ZSWIM7: variants seen among roughly 807,000 people sequenced by gnomAD.
ZSWIM7 encodes the protein zinc finger SWIM-type containing 7.
Under a neutral mutation model 21.1 loss-of-function variants are expected in ZSWIM7, and 22 were observed. The ratio of observed to expected loss-of-function variants is 1.04; its 90% confidence interval spans 0.74 to 1.49. The LOEUF (loss-of-function observed/expected upper bound fraction) is 1.49, where lower values mean the gene tolerates loss of function less well. Ranked by LOEUF, ZSWIM7 falls within the 40% of genes most tolerant of loss-of-function variation. The probability of loss-of-function intolerance (pLI) is 0.00; values close to 1 mark genes in which losing one functional copy is unlikely to be tolerated. For synonymous variants in ZSWIM7, 67 were observed against 66.5 expected, an observed-to-expected ratio of 1.01 and a Z score of -0.04; for missense variants, 193 against 168.0, an observed-to-expected ratio of 1.15 and a Z score of -0.82.
chr17:15,983,540 T>C (rs1970379685), intron 3 of ZSWIM7, among the ~76,000 whole-genome samples: 1 of 151,830 alleles, frequency 6.6e-6, no homozygotes, highest in Non-Finnish European at 1.5e-5. Flanking sequence ...AGCAGATTGT[T>C]TTCTACTTAA....
chr17:15,981,415 C>T (rs112986293), intron 3 of ZSWIM7, among the ~76,000 whole-genome samples: 170 of 151,324 alleles, frequency 1.1e-3, no homozygotes, highest in African/African-American at 2.8e-3. Context: ...TCTGTTCCTA[C>T]GCCTAGTGAT....
At chr17:15,989,388 G>C (rs1225265644) in intron 2 of ZSWIM7, among the ~76,000 whole-genome samples, 1 of 151,882 alleles carries the variant, frequency 6.6e-6, no homozygotes, top group Non-Finnish European at 1.5e-5. Context: ...CACAATCTCG[G>C]CTCACTGCAA....
chr17:15,997,318 G>T (rs894338290), intron 1 of ZSWIM7, among the ~76,000 whole-genome samples: 2 of 152,144 alleles, frequency 1.3e-5, no homozygotes, highest in African/African-American at 4.8e-5. Context: ...AAGTCCGAAG[G>T]CTCTAGAGAT....
chr17:15,986,042 TTTTG>T (rs750093137), intron 3 of ZSWIM7, among the ~76,000 whole-genome samples: 18 of 143,904 alleles, frequency 1.3e-4, no homozygotes, highest in Admixed American at 2.8e-4. Context: ...TTTTTTGTGT[TTTTG>T]TTTGTTTGTT....
intron 3 of ZSWIM7, among the ~76,000 whole-genome samples, chr17:15,983,344 C>CAAAAAA (rs58918337): frequency 2.5e-4 from 11 of 44,608 alleles, no homozygotes; most frequent in African/African-American, 7.1e-4. Context: ...GACTCTGTCT[C>CAAAAAA]AAAAAAAAAA....
chr17:15,994,726 A>G (rs1339666598), intron 1 of ZSWIM7, among the ~76,000 whole-genome samples: 1 of 152,208 alleles, frequency 6.6e-6, no homozygotes, highest in East Asian at 1.9e-4. Flanking sequence ...CATGGCTCCC[A>G]TAACACAAGC....
chr17:15,989,428 C>G (rs1386132418), intron 2 of ZSWIM7, among the ~76,000 whole-genome samples: 1 of 151,866 alleles, frequency 6.6e-6, no homozygotes, highest in Non-Finnish European at 1.5e-5. Flanking sequence ...AGAGATTCTC[C>G]GGCCCAGCCT....
rs181750795 is a variant in ZSWIM7 at position 15,992,853 on chromosome 17, T to C, written c.98+904A>G. Among the ~76,000 whole-genome samples the C allele has an allele frequency of 1.9e-4, 29 of 152,300 alleles. 2 individuals are homozygous for C. Among genetic ancestry groups the C allele is most frequent in the African/African-American group, 7.0e-4 (29 of 41,576 alleles). On this transcript the variant is annotated intron_variant, in intron 2 of 4. Coordinates refer to ENST00000399277, the MANE Select transcript of ZSWIM7 (RefSeq NM_001042697.2). ...TTTAAGAATCATGTCAAGAAAATAT[T>C]ATTCCTAGTTTCTAAGAGTATTTTT...
chr17:15,999,407 G>T, intron 1 of ZSWIM7, 112 bp downstream of exon 1: 10 of 1,356,606 alleles, frequency 7.4e-6, no homozygotes, highest in Non-Finnish European at 1.0e-5. Flanking sequence ...GAACCACATG[G>T]AAAAAAGGCA....
intron 3 of ZSWIM7, among the ~76,000 whole-genome samples, chr17:15,983,896 TG>T: frequency 6.6e-6 from 1 of 152,210 alleles, no homozygotes; most frequent in Non-Finnish European, 1.5e-5. Context: ...CTATAATTCT[TG>T]GGTGTCTAAA....
intron 3 of ZSWIM7, among the ~76,000 whole-genome samples, chr17:15,982,959 T>C (rs2151621725): frequency 6.6e-6 from 1 of 152,286 alleles, no homozygotes; most frequent in South Asian, 2.1e-4. Flanking sequence ...AGCCTCAGTA[T>C]GGTTTTTTGA....
At chr17:15,998,599 C>T (rs543651984) in intron 1 of ZSWIM7, among the ~76,000 whole-genome samples, 1 of 152,174 alleles carries the variant, frequency 6.6e-6, no homozygotes, top group Admixed American at 6.5e-5. Flanking sequence ...TCCTAGCATA[C>T]TCTGAACACA....
At chr17:15,997,172 G>A in intron 1 of ZSWIM7, among the ~76,000 whole-genome samples, 2 of 150,108 alleles carry the variant, frequency 1.3e-5, no homozygotes. Context: ...AAAAAAAAGA[G>A]GTAGTAAACT....
chr17:15,985,142 A>G (rs1469433682), intron 3 of ZSWIM7, among the ~76,000 whole-genome samples: 1 of 152,118 alleles, frequency 6.6e-6, no homozygotes, highest in Admixed American at 6.5e-5. Context: ...CATCTCTACT[A>G]AAAATACAAA....
chr17:15,977,918 AGG>A lies in ZSWIM7; in HGVS notation c.*127_*128del. The A allele has an allele frequency of 2.6e-6, 2 of 781,102 alleles. No homozygotes were observed. The highest frequency in any genetic ancestry group is 3.2e-5 in the South Asian group (2 of 63,048). The allele number at this position is 781,102 out of a possible 1,614,324, so 48.4% of individuals were successfully genotyped here. The stretch of plus-strand genomic sequence containing the variant: ...CCCACAGCACCTCCTGCAGTCCTGG[AGG>A]GAAAAGGGACAGTAACATGAAGTGT... On this transcript the variant is annotated 3_prime_UTR_variant, in exon 5 of 5. Coordinates refer to ENST00000399277, the MANE Select transcript of ZSWIM7 (RefSeq NM_001042697.2).
chr17:15,987,671 C>T (rs1970431525), intron 2 of ZSWIM7, among the ~76,000 whole-genome samples: 1 of 151,898 alleles, frequency 6.6e-6, no homozygotes, highest in African/African-American at 2.4e-5. Context: ...AGTGCAATGG[C>T]GCAATCTTGG....
intron 3 of ZSWIM7, among the ~76,000 whole-genome samples, chr17:15,985,397 AATATT>A (rs1436457617): frequency 7.9e-5 from 12 of 152,172 alleles, no homozygotes; most frequent in Non-Finnish European, 8.8e-5. Flanking sequence ...GGAGAACAAT[AATATT>A]AGAGTTGACC....
chr17:15,987,329 C>CA lies in ZSWIM7; in HGVS notation c.137dup (p.Leu46PhefsTer5). 6.2e-7 allele frequency: 1 copy of CA among 1,613,630 alleles called. No individual in the cohort carries two copies. Among genetic ancestry groups the CA allele is most frequent in the South Asian group, 1.1e-5 (1 of 90,978 alleles). ...TGATGGACTGTCGATCAACTAGGTCCAAGGCCTGGGTGGCTGATGAGCCAA... is the reference window on the plus strand; with the variant it reads ...TGATGGACTGTCGATCAACTAGGTCCAAAGGCCTGGGTGGCTGATGAGCCAA... On this transcript the variant is annotated frameshift_variant, in exon 3 of 5. Transcript: ENST00000399277. LOFTEE classifies it high-confidence loss of function.
intron 1 of ZSWIM7, 66 bp from the exon 2 acceptor site, chr17:15,993,844 T>TAAA: frequency 8.0e-7 from 1 of 1,247,508 alleles, no homozygotes; most frequent in Non-Finnish European, 1.1e-6. Context: ...ATAAAAATCT[T>TAAA]AAAAAACACT....
Sources: gnomAD v4.1 joint callset for allele counts (sites outside exome capture counted in the v4.1 genomes callset) on GRCh38, gnomAD v4.1.1 for gene constraint, MANE v1.5 for transcripts, NCBI Gene and HGNC (gene_info 2026-07-23, HGNC 2026-07-21) for gene names.